The following PPP1R13B variants were observed in gnomAD, a reference collection of about 807,000 sequenced individuals.
PPP1R13B encodes apoptosis-stimulating of p53 protein 1.
A neutral mutation model predicts 119.8 loss-of-function variants in PPP1R13B; 44 were observed. That is an observed-to-expected ratio of 0.37 (90% CI 0.29 to 0.47). The LOEUF (loss-of-function observed/expected upper bound fraction) is 0.47. Ranked by LOEUF, PPP1R13B falls within the 20% of genes least tolerant of loss-of-function variation. The pLI, the probability that PPP1R13B is intolerant of heterozygous loss-of-function variation, is 0.99. For synonymous variants in PPP1R13B, 542 were observed against 561.5 expected, an observed-to-expected ratio of 0.97 and a Z score of 0.49; for missense variants, 1,227 against 1,413.5, an observed-to-expected ratio of 0.87 and a Z score of 2.12.
intron 4 of PPP1R13B, among the ~76,000 whole-genome samples, chr14:103,765,390 G>A (rs2084915343): frequency 6.6e-6 from 1 of 152,054 alleles, no homozygotes; most frequent in African/African-American, 2.4e-5. Context: ...TAGTTTATAG[G>A]AGAACACACC....
chr14:103,845,388 C>T (rs1016518204), intron 1 of PPP1R13B, among the ~76,000 whole-genome samples: 2 of 152,152 alleles, frequency 1.3e-5, no homozygotes, highest in African/African-American at 4.8e-5. Context: ...AAAAGCCATA[C>T]ATGAGAGTCT....
At chr14:103,797,641 GAAAT>G (rs1416304693) in intron 1 of PPP1R13B, 123 bp from the exon 2 acceptor site, 3 of 461,094 alleles carry the variant, frequency 6.5e-6, no homozygotes, top group Non-Finnish European at 1.1e-5. Flanking sequence ...TTATTTTCTG[GAAAT>G]AATAATAGAT....
chr14:103,779,257 A>G (rs2085283294), intron 3 of PPP1R13B, among the ~76,000 whole-genome samples: 1 of 152,018 alleles, frequency 6.6e-6, no homozygotes, highest in Admixed American at 6.6e-5. Context: ...CTACTGCACA[A>G]TCTTGCTCTG....
At chr14:103,800,455 C>A (rs2085871295) in intron 1 of PPP1R13B, among the ~76,000 whole-genome samples, 1 of 152,052 alleles carries the variant, frequency 6.6e-6, no homozygotes. Context: ...GAGTTTGAGA[C>A]CAGCCTGGCC....
chr14:103,734,819 T>G lies in PPP1R13B; in HGVS notation c.*335A>C. On this transcript the variant is annotated 3_prime_UTR_variant, in exon 17 of 17. Transcript: ENST00000202556. ...AGGGGGTGATGGCCTCGGGGCCAAG[T>G]CAGTAAGAGCTTCTGTCTTCACTGG... The G allele has an allele frequency of 2.2e-6, 1 of 464,882 alleles. No individual in the cohort carries two copies. Among genetic ancestry groups the G allele is most frequent in the Non-Finnish European group, 4.2e-6 (1 of 238,274 alleles). 28.8% of individuals were successfully genotyped at this position (464,882 alleles called of 1,614,324 possible).
chr14:103,772,584 A>C (rs2152006470), intron 4 of PPP1R13B, among the ~76,000 whole-genome samples: 1 of 152,278 alleles, frequency 6.6e-6, no homozygotes, highest in East Asian at 1.9e-4. Flanking sequence ...CCTAAAGACT[A>C]ATGATGGTGA....
At chr14:103,806,063 T>C (rs1320243596) in intron 1 of PPP1R13B, among the ~76,000 whole-genome samples, 2 of 152,144 alleles carry the variant, frequency 1.3e-5, no homozygotes, top group Non-Finnish European at 2.9e-5. Flanking sequence ...AAGTAGGATA[T>C]ATAAAACTTC....
intron 4 of PPP1R13B, among the ~76,000 whole-genome samples, chr14:103,760,200 CA>C (rs1405995977): frequency 6.6e-6 from 1 of 152,120 alleles, no homozygotes; most frequent in African/African-American, 2.4e-5. Flanking sequence ...GCACTTTTTC[CA>C]CAATTTCAAA....
In PPP1R13B at chr14:103,781,516, G is replaced by T. The variant is rs577002061; in HGVS notation, c.278-2695C>A. 2.4e-4 allele frequency among the ~76,000 whole-genome samples: 37 copies of T among 152,274 alleles called. 1 individual carries two copies. Among genetic ancestry groups the T allele is most frequent in the Non-Finnish European group, 3.8e-4 (26 of 68,018 alleles). The stretch of plus-strand genomic sequence containing the variant: ...CCTTTACTATAAAATACAGATAAAG[G>T]GGATAACTTGCAATAAAGAAGTATT... On this transcript the variant is annotated intron_variant, in intron 3 of 16. Transcript: ENST00000202556.
At chr14:103,835,955 A>G (rs2152082309) in intron 1 of PPP1R13B, among the ~76,000 whole-genome samples, 1 of 151,334 alleles carries the variant, frequency 6.6e-6, no homozygotes. Flanking sequence ...TGCCCTGTCT[A>G]GTCTCAAACT....
At chr14:103,783,735 G>T (rs1189096034) in intron 3 of PPP1R13B, among the ~76,000 whole-genome samples, 1 of 151,932 alleles carries the variant, frequency 6.6e-6, no homozygotes, top group Admixed American at 6.6e-5. Context: ...ATTTTCTGTA[G>T]AGATGGGGTT....
intron 8 of PPP1R13B, among the ~76,000 whole-genome samples, 190 bp downstream of exon 8, chr14:103,749,604 C>T (rs959301967): frequency 6.6e-6 from 1 of 152,178 alleles, no homozygotes; most frequent in African/African-American, 2.4e-5. Context: ...GATGGTTCTG[C>T]CTCCACACAC....
chr14:103,775,115 T>C (rs1185805500), intron 4 of PPP1R13B, among the ~76,000 whole-genome samples: 1 of 152,190 alleles, frequency 6.6e-6, no homozygotes, highest in Non-Finnish European at 1.5e-5. Context: ...TTATCATACA[T>C]TTGGAATGCT....
chr14:103,811,094 C>CAAAAAAAA (rs36017203), intron 1 of PPP1R13B, among the ~76,000 whole-genome samples: 1 of 65,844 alleles, frequency 1.5e-5, no homozygotes, highest in Non-Finnish European at 2.8e-5. Context: ...GACTCCTCCT[C>CAAAAAAAA]AAAAAAAAAA....
chr14:103,816,531 A>G (rs2086284575), intron 1 of PPP1R13B, among the ~76,000 whole-genome samples: 1 of 151,682 alleles, frequency 6.6e-6, no homozygotes, highest in Non-Finnish European at 1.5e-5. Flanking sequence ...TGCTAAAAAT[A>G]TAAAAATTAG....
At chr14:103,750,722 T>C (rs867715572) in intron 7 of PPP1R13B, among the ~76,000 whole-genome samples, 1 of 151,506 alleles carries the variant, frequency 6.6e-6, no homozygotes, top group Non-Finnish European at 1.5e-5. Context: ...TCCCAGCTAC[T>C]CGGGAGGCTG....
intron 15 of PPP1R13B, chr14:103,737,427 T>A: frequency 3.1e-6 from 1 of 325,524 alleles, no homozygotes; most frequent in Non-Finnish European, 5.5e-6. Flanking sequence ...GTACAAAAAA[T>A]TAGCTGGCTG....
At position 103,739,807 on chromosome 14, in the gene PPP1R13B, C is replaced by A; in HGVS notation, c.2592+17G>T. On this transcript the variant is annotated intron_variant, in intron 12 of 16. Transcript: ENST00000202556. Reference sequence around the variant, plus strand: ...ATGACCAGGAAGGCCAGGCTTTGGTCTAGCAATGACACCCACCGTGGAGGT... The same window carrying A: ...ATGACCAGGAAGGCCAGGCTTTGGTATAGCAATGACACCCACCGTGGAGGT... The A allele has an allele frequency of 6.3e-7, 1 of 1,584,682 alleles. No homozygotes were observed. The highest frequency in any genetic ancestry group is 1.1e-5 in the South Asian group (1 of 87,156).
At chr14:103,798,936 C>T (rs928059085) in intron 1 of PPP1R13B, among the ~76,000 whole-genome samples, 2 of 151,960 alleles carry the variant, frequency 1.3e-5, no homozygotes, top group Admixed American at 6.6e-5. Flanking sequence ...GCAATCCTCT[C>T]GCCTTGGCCT....
Sources: allele counts gnomAD v4.1 joint callset (sites outside exome capture counted in the v4.1 genomes callset), GRCh38; gene constraint gnomAD v4.1.1; transcripts MANE v1.5; gene names NCBI Gene and HGNC (gene_info 2026-07-23, HGNC 2026-07-21).